Variants in LRIG1 observed in about 807,000 individuals in gnomAD.
LRIG1 encodes the protein leucine-rich repeats and immunoglobulin-like domains protein 1.
Under a neutral mutation model 99.2 loss-of-function variants are expected in LRIG1, and 48 were observed. The observed-to-expected ratio is 0.48, with a 90% CI of 0.38 to 0.62. The LOEUF (loss-of-function observed/expected upper bound fraction) is 0.62, where lower values mean the gene tolerates loss of function less well. LRIG1 is among the 20% of genes least tolerant of loss of function. The pLI is 0.00. For synonymous variants in LRIG1, 772 were observed against 596.1 expected, an observed-to-expected ratio of 1.29 and a Z score of -4.30; for missense variants, 1,646 against 1,434.4, an observed-to-expected ratio of 1.15 and a Z score of -2.38.
chr3:66,400,147 A>T (rs1336205416), intron 9 of LRIG1, among the ~76,000 whole-genome samples: 1 of 152,232 alleles, frequency 6.6e-6, no homozygotes, highest in Non-Finnish European at 1.5e-5. Context: ...CTTAGCAGTA[A>T]CTGTTAAGAG....
intron 3 of LRIG1, among the ~76,000 whole-genome samples, chr3:66,435,659 T>C (rs2106758400): frequency 6.6e-6 from 1 of 152,258 alleles, no homozygotes; most frequent in South Asian, 2.1e-4. Flanking sequence ...ATCCTTGCAA[T>C]GATACAAATA....
At chr3:66,401,613 C>T (rs550401170) in intron 9 of LRIG1, 1 of 1,524,418 alleles carries the variant, frequency 6.6e-7, no homozygotes, top group African/African-American at 1.4e-5. Context: ...CCTTACCTTC[C>T]CCCAGCAGAC....
intron 9 of LRIG1, among the ~76,000 whole-genome samples, chr3:66,402,820 G>A (rs919739390): frequency 2.0e-5 from 3 of 152,176 alleles, no homozygotes; most frequent in African/African-American, 4.8e-5. Flanking sequence ...GCAACACAGT[G>A]CTGTCTGTGG....
At chr3:66,381,712 G>A (rs550176041) in intron 16 of LRIG1, 81 bp from the exon 17 acceptor site, 521 of 1,456,032 alleles carry the variant, frequency 3.6e-4, no homozygotes, top group Non-Finnish European at 4.3e-4. Context: ...GAGCAAGGCC[G>A]CTAGAACAGT....
intron 1 of LRIG1, among the ~76,000 whole-genome samples, chr3:66,497,595 T>C (rs1701255688): frequency 1.3e-5 from 2 of 151,296 alleles, no homozygotes; most frequent in Admixed American, 6.6e-5. Context: ...CCGATTATCA[T>C]TATCCATTCT....
rs558208936 is a variant in LRIG1, at chr3:66,474,597, C to T, written c.219-12088G>A. ...CTGACCTCAGGTGATCCGCCCGCCT[C>T]GGCCTCCCAAAGTGCTGGGATTACA... On this transcript the variant is annotated intron_variant, in intron 1 of 18. Transcript: ENST00000273261. 6.6e-5 allele frequency among the ~76,000 whole-genome samples: 10 copies of T among 152,248 alleles called. No homozygotes were observed. The East Asian group carries it at 1.7e-3, about 26-fold the overall frequency.
At chr3:66,495,361 C>A (rs898857109) in intron 1 of LRIG1, among the ~76,000 whole-genome samples, 3 of 152,154 alleles carry the variant, frequency 2.0e-5, no homozygotes, top group Admixed American at 1.3e-4. Flanking sequence ...AATATTAACA[C>A]GGCCCAGAGT....
intron 1 of LRIG1, among the ~76,000 whole-genome samples, chr3:66,497,912 C>G (rs1397563710): frequency 6.6e-6 from 1 of 152,096 alleles, no homozygotes; most frequent in Non-Finnish European, 1.5e-5. Flanking sequence ...TATACAGACA[C>G]TTTCTCCCCT....
intron 9 of LRIG1, among the ~76,000 whole-genome samples, chr3:66,404,809 G>C (rs1441631626): frequency 6.6e-6 from 1 of 152,126 alleles, no homozygotes; most frequent in African/African-American, 2.4e-5. Flanking sequence ...GTACTGACAG[G>C]AGCCCCACCG....
rs75315774 is a variant in LRIG1 at position 66,427,961 on chromosome 3, G to A, written c.366-10695C>T. Among the ~76,000 whole-genome samples, 790 of 152,318 alleles carry A rather than the reference G, an allele frequency of 5.2e-3. 26 individuals are homozygous for A. The East Asian group carries it at 0.089, about 17-fold the overall frequency. ...ATCCATCTGGGTTGCTGCATTAGCA[G>A]TAGTTAATTCTTTTCTATCACTGTA... On this transcript the variant is annotated intron_variant, in intron 3 of 18. Coordinates refer to ENST00000273261, the MANE Select transcript of LRIG1 (RefSeq NM_015541.3).
intron 4 of LRIG1, among the ~76,000 whole-genome samples, chr3:66,415,288 G>A (rs995877683): frequency 2.0e-5 from 3 of 152,122 alleles, no homozygotes; most frequent in South Asian, 2.1e-4. Flanking sequence ...CGATTTAGTC[G>A]AAAGCATACT....
chr3:66,473,148 G>C (rs770083149), intron 1 of LRIG1, among the ~76,000 whole-genome samples: 2 of 152,154 alleles, frequency 1.3e-5, no homozygotes, highest in African/African-American at 2.4e-5. Context: ...TGTCCTATTT[G>C]AAGAAGAAAA....
rs1275882148 is a variant in LRIG1 at position 66,500,285 on chromosome 3, G to C, written c.123C>G (p.Cys41Trp). Reference sequence around the variant, plus strand: ...CCCCAGCGCAAGTGCAGGCGGCCGCGCAGGGCGCCCGCGGGCCGGCCGCGG... The same window carrying C: ...CCCCAGCGCAAGTGCAGGCGGCCGCCCAGGGCGCCCGCGGGCCGGCCGCGG... ...VTAAAGPRAP[C>W]AAACTCAGDS... The change falls in exon 1 of 19, where the codon TGC becomes TGG. Residue 41 changes from cysteine to tryptophan, a missense_variant. Cys to Trp is a radical substitution (Grantham distance 215). Coordinates refer to ENST00000273261, the MANE Select transcript of LRIG1 (RefSeq NM_015541.3). 8 of 1,480,708 alleles carry C rather than the reference G, an allele frequency of 5.4e-6. No homozygotes were observed. The East Asian group carries it at 2.2e-4, about 41-fold the overall frequency. The allele number at this position is 1,480,708 out of a possible 1,614,324, so 91.7% of individuals were successfully genotyped here. A position where few individuals can be genotyped will look rare whatever the true frequency, so the allele number is the denominator to read the frequency against.
chr3:66,414,930 G>A lies in LRIG1; in HGVS notation c.637C>T (p.Leu213=), dbSNP rs1702577295. 6.2e-7 allele frequency: 1 copy of A among 1,604,254 alleles called. No individual in the cohort carries two copies. Among genetic ancestry groups the A allele is most frequent in the Non-Finnish European group, 8.5e-7 (1 of 1,176,058 alleles). ...LPVRAFKLPR[L]TQLDLNRNRI... ...GGTTTCTGTACTCACAGTTGTGTCA[G>A]CCTGGGTAGCTTGAATGCTCTTACA... is the stretch of plus-strand genomic sequence containing the variant. Residue 213 remains leucine (L), a synonymous_variant, in exon 5 of 19, where the codon CTG becomes TTG. Transcript: ENST00000273261.
At chr3:66,405,873 G>C in intron 8 of LRIG1, 1 of 1,087,900 alleles carries the variant, frequency 9.2e-7, no homozygotes, top group Non-Finnish European at 1.1e-6. Context: ...CAGGATCAGA[G>C]GGATGAGGCC....
intron 14 of LRIG1, 45 bp from the exon 15 acceptor site, chr3:66,383,446 T>G (rs373633320): frequency 2.7e-6 from 4 of 1,483,638 alleles, no homozygotes; most frequent in South Asian, 2.7e-5. Context: ...AGGGCCTCCG[T>G]TGCTCTGGCT....
intron 3 of LRIG1, among the ~76,000 whole-genome samples, chr3:66,441,536 T>C (rs1275904097): frequency 1.3e-5 from 2 of 152,176 alleles, no homozygotes; most frequent in African/African-American, 4.8e-5. Flanking sequence ...AAGAAAATCA[T>C]ACCAAGAGCT....
intron 1 of LRIG1, among the ~76,000 whole-genome samples, chr3:66,479,839 T>G (rs1470288383): frequency 6.6e-6 from 1 of 152,254 alleles, no homozygotes; most frequent in African/African-American, 2.4e-5. Flanking sequence ...CTTCATACCC[T>G]GCTGGTGGAT....
rs1004580841 is a variant in LRIG1, at chr3:66,500,780, G to A, written c.-373C>T. ...GTGCTGCCGCTGCGCCTGGAAGACA[G>A]GCGTTCAGCCCCGCAGCCCGAGCTC... On this transcript the variant is annotated 5_prime_UTR_variant, in exon 1 of 19. Coordinates refer to ENST00000273261, the MANE Select transcript of LRIG1 (RefSeq NM_015541.3). 33 of 162,710 alleles carry A rather than the reference G, an allele frequency of 2.0e-4. 1 individual carries two copies. The highest frequency in any genetic ancestry group is 3.4e-4 in the Non-Finnish European group (26 of 75,454). The allele number at this position is 162,710 out of a possible 1,614,324, so 10.1% of individuals were successfully genotyped here.
Sources: gnomAD v4.1 joint callset for allele counts (sites outside exome capture counted in the v4.1 genomes callset) on GRCh38, gnomAD v4.1.1 for gene constraint, MANE v1.5 for transcripts, NCBI Gene and HGNC (gene_info 2026-07-23, HGNC 2026-07-21) for gene names.